Variants in SFXN4 observed in about 807,000 individuals in gnomAD.
The protein encoded by SFXN4 is sideroflexin-4.
In SFXN4, 48 loss-of-function variants were observed where a neutral mutation model predicts 54.6. The ratio of observed to expected loss-of-function variants is 0.88; its 90% CI spans 0.70 to 1.12. SFXN4 has a LOEUF of 1.12. Among genes scored for constraint, SFXN4 ranks in the 50% most tolerant of loss-of-function variants. The pLI, the probability that SFXN4 is intolerant of heterozygous loss-of-function variation, is 0.00. For synonymous variants in SFXN4, 130 were observed against 145.5 expected, an observed-to-expected ratio of 0.89 and a Z score of 0.77; for missense variants, 383 against 409.2, an observed-to-expected ratio of 0.94 and a Z score of 0.55.
At chr10:119,164,871 T>C (rs1009394116) in intron 1 of SFXN4, among the ~76,000 whole-genome samples, 7 of 152,026 alleles carry the variant, frequency 4.6e-5, no homozygotes, top group Non-Finnish European at 1.0e-4. Context: ...TGAACCCAGA[T>C]GTGCTGTGAA....
chr10:119,146,460 T>TGTGTGTGC lies in SFXN4; in HGVS notation c.819-108_819-107insGCACACAC, dbSNP rs141608372. The TGTGTGTGC allele has an allele frequency of 0.014, 7,835 of 570,188 alleles. 133 individuals carry two copies. Among genetic ancestry groups the TGTGTGTGC allele is most frequent in the African/African-American group, 0.055 (2,585 of 46,848 alleles). 35.3% of individuals were successfully genotyped at this position (570,188 alleles called of 1,614,324 possible). ...GTGTGTGTGTGTGTGTGTGTGTGTGTGCACGTGTGTGTGTACCTGAACACC... is the reference window on the plus strand; with the variant it reads ...GTGTGTGTGTGTGTGTGTGTGTGTGTGTGTGTGCGCACGTGTGTGTGTACCTGAACACC... On this transcript the variant is annotated intron_variant, in intron 12 of 13. Coordinates refer to ENST00000355697, the MANE Select transcript of SFXN4 (RefSeq NM_213649.2).
At chr10:119,149,143 T>C (rs1846945678) in intron 11 of SFXN4, among the ~76,000 whole-genome samples, 1 of 152,164 alleles carries the variant, frequency 6.6e-6, no homozygotes, top group African/African-American at 2.4e-5. Context: ...TACCCCAGCC[T>C]CCTGAGTAGC....
intron 10 of SFXN4, among the ~76,000 whole-genome samples, chr10:119,156,113 G>A (rs1847269425): frequency 6.6e-6 from 1 of 152,088 alleles, no homozygotes; most frequent in African/African-American, 2.4e-5. Flanking sequence ...TAAGTAGAAC[G>A]TTTACACAGA....
Position 119,165,418 on chromosome 10 carries a change from G to T in SFXN4, c.111+119C>A, listed in dbSNP as rs146919067. The T allele has an allele frequency of 1.8e-3, 2,424 of 1,339,996 alleles. 46 individuals carry two copies. In the African/African-American group the frequency reaches 0.034, roughly 19 times the overall value. 83.0% of individuals were successfully genotyped at this position (1,339,996 alleles called of 1,614,324 possible). On this transcript the variant is annotated intron_variant, in intron 1 of 13. Coordinates refer to ENST00000355697, the MANE Select transcript of SFXN4 (RefSeq NM_213649.2). ...CGCGTTCCCGGCACAACTCCGAGAG[G>T]AGGAAACGGAGACAGGGGGCGCCCA...
intron 11 of SFXN4, among the ~76,000 whole-genome samples, chr10:119,152,248 G>A (rs1337083326): frequency 2.7e-5 from 4 of 150,060 alleles, no homozygotes; most frequent in African/African-American, 9.8e-5. Context: ...TTTTCCCCAG[G>A]GGAAAGCGCA....
rs1847678268 is a variant in SFXN4, at chr10:119,164,304, GTGATCTGCCT to G, written c.112-118_112-109del. 2.2e-5 allele frequency: 14 copies of G among 639,072 alleles called. No homozygotes were observed. The South Asian group carries it at 2.7e-4, about 12-fold the overall frequency. The allele number at this position is 639,072 out of a possible 1,614,324, so 39.6% of individuals were successfully genotyped here. Reference sequence around the variant, plus strand: ...TTTTTCTGAGAACCTGCCAGGGTCTGTGATCTGCCTTTTACTGGCATCATCTCCTGGGATC... The same window carrying G: ...TTTTTCTGAGAACCTGCCAGGGTCTGTTTACTGGCATCATCTCCTGGGATC... On this transcript the variant is annotated intron_variant, in intron 1 of 13. Coordinates refer to ENST00000355697, the MANE Select transcript of SFXN4 (RefSeq NM_213649.2).
chr10:119,143,415 A>G (rs1846641892), intron 13 of SFXN4, among the ~76,000 whole-genome samples: 1 of 151,538 alleles, frequency 6.6e-6, no homozygotes, highest in Non-Finnish European at 1.5e-5. Context: ...ACCCCATTGT[A>G]GCCTTGACCT....
intron 2 of SFXN4, 89 bp downstream of exon 2, chr10:119,164,042 A>C (rs1434720483): frequency 3.3e-4 from 48 of 145,050 alleles, no homozygotes; most frequent in Non-Finnish European, 5.4e-4. Context: ...CTCCGTCTCA[A>C]AAAAAAAAAA....
Position 119,158,615 on chromosome 10 carries a change from C to CAAA in SFXN4, c.361-556_361-554dup, listed in dbSNP as rs35982987. Among the ~76,000 whole-genome samples the CAAA allele has an allele frequency of 5.8e-3, 376 of 64,584 alleles. 7 individuals carry two copies. Among genetic ancestry groups the CAAA allele is most frequent in the African/African-American group, 0.012 (167 of 14,000 alleles). 42.4% of individuals were successfully genotyped at this position (64,584 alleles called of 152,430 possible). On this transcript the variant is annotated intron_variant, in intron 6 of 13. Coordinates refer to ENST00000355697, the MANE Select transcript of SFXN4 (RefSeq NM_213649.2). ...TGGGAGACAGAGCAAGACTCCGTCT[C>CAAA]AAAAAAAAAAAAAAAAAAAAAAAAA...
intron 11 of SFXN4, among the ~76,000 whole-genome samples, chr10:119,151,390 A>G (rs1430726667): frequency 9.6e-6 from 1 of 104,106 alleles, no homozygotes; most frequent in Non-Finnish European, 1.8e-5. Flanking sequence ...ACAAAAAAAA[A>G]GAAGCAGATC....
chr10:119,158,909 G>C (rs1847393667), intron 6 of SFXN4, among the ~76,000 whole-genome samples: 1 of 152,196 alleles, frequency 6.6e-6, no homozygotes, highest in Non-Finnish European at 1.5e-5. Flanking sequence ...ACTGAGCCTA[G>C]GAGTTTGAAG....
chr10:119,142,397 C>A (rs1846567784), intron 13 of SFXN4, among the ~76,000 whole-genome samples: 1 of 151,992 alleles, frequency 6.6e-6, no homozygotes, highest in Admixed American at 6.6e-5. Context: ...ATGATAAAGA[C>A]CTTATCATTA....
chr10:119,159,963 G>T (rs1278075242), intron 5 of SFXN4, among the ~76,000 whole-genome samples: 1 of 152,120 alleles, frequency 6.6e-6, no homozygotes, highest in Non-Finnish European at 1.5e-5. Flanking sequence ...GATGGGTTGA[G>T]GCCAGGAGTT....
At chr10:119,150,599 G>A (rs923631928) in intron 11 of SFXN4, among the ~76,000 whole-genome samples, 1 of 152,142 alleles carries the variant, frequency 6.6e-6, no homozygotes, top group Non-Finnish European at 1.5e-5. Context: ...AGCCCAGGAA[G>A]TTGAGGCTGC....
intron 10 of SFXN4, among the ~76,000 whole-genome samples, 175 bp from the exon 11 acceptor site, chr10:119,155,352 T>A (rs1474674274): frequency 6.6e-6 from 1 of 152,228 alleles, no homozygotes; most frequent in Non-Finnish European, 1.5e-5. Flanking sequence ...CTCCTGGGGC[T>A]GTGGAAGTAG....
At chr10:119,141,423 C>G (rs1370975572) in intron 13 of SFXN4, 104 bp from the exon 14 acceptor site, 8 of 572,810 alleles carry the variant, frequency 1.4e-5, no homozygotes, top group Non-Finnish European at 2.4e-5. Flanking sequence ...CACAGTCCAT[C>G]TTTTTCAATA....
At chr10:119,159,152 C>A (rs560646564) in intron 6 of SFXN4, among the ~76,000 whole-genome samples, 2 of 151,226 alleles carry the variant, frequency 1.3e-5, no homozygotes, top group Admixed American at 6.6e-5. Context: ...TGGTGGTGAG[C>A]GCCTGTAATC....
intron 11 of SFXN4, among the ~76,000 whole-genome samples, chr10:119,154,816 G>A (rs894464467): frequency 6.6e-6 from 1 of 152,176 alleles, no homozygotes; most frequent in African/African-American, 2.4e-5. Context: ...CAGTGCGACA[G>A]AGCAAGACCC....
intron 3 of SFXN4, 118 bp downstream of exon 3, chr10:119,162,222 G>A: frequency 5.1e-6 from 4 of 785,980 alleles, no homozygotes; most frequent in Non-Finnish European, 8.5e-6. Context: ...CCAAGGGAAG[G>A]AAAAAAGAAA....
Sources: gnomAD v4.1 joint callset for allele counts (sites outside exome capture counted in the v4.1 genomes callset) on GRCh38, gnomAD v4.1.1 for gene constraint, MANE v1.5 for transcripts, NCBI Gene and HGNC (gene_info 2026-07-23, HGNC 2026-07-21) for gene names.